Variants in CEP85L observed in about 807,000 individuals in gnomAD.
CEP85L encodes the protein centrosomal protein 85L, also known as centrosomal protein of 85 kDa-like.
CEP85L carries 60 observed loss-of-function variants against 100.3 expected under a neutral mutation model. The observed-to-expected ratio is 0.60, with a 90% CI of 0.49 to 0.74. The LOEUF (loss-of-function observed/expected upper bound fraction) is 0.74. Ranked by LOEUF, CEP85L falls within the 30% of genes least tolerant of loss-of-function variation. CEP85L has a pLI of 0.00. For missense variants in CEP85L, 973 were observed against 936.2 expected (o/e 1.04, Z -0.51); for synonymous variants, 319 against 322.7 (o/e 0.99, Z 0.12).
At chr6:118,655,269 G>A (rs749292023), upstream of CEP85L, among the ~76,000 whole-genome samples, 55 of 152,288 alleles carry the variant, frequency 3.6e-4, no homozygotes, top group Non-Finnish European at 7.5e-4. Flanking sequence ...CTCCAGAGTT[G>A]GGTTGCAATA....
At chr6:118,506,616 A>T (rs1183170458) in intron 5 of CEP85L, among the ~76,000 whole-genome samples, 4 of 152,040 alleles carry the variant, frequency 2.6e-5, no homozygotes, top group Non-Finnish European at 5.9e-5. Context: ...TTGGTGGGGG[A>T]AAGCACTTAT....
chr6:118,583,482 T>C (rs1391519042), intron 2 of CEP85L, among the ~76,000 whole-genome samples: 4 of 152,198 alleles, frequency 2.6e-5, no homozygotes, highest in South Asian at 4.1e-4. Context: ...CACTCCTTTA[T>C]TAGGTAGATA....
intron 3 of CEP85L, among the ~76,000 whole-genome samples, chr6:118,546,626 T>C (rs1037291704): frequency 3.9e-5 from 6 of 152,138 alleles, no homozygotes; most frequent in Non-Finnish European, 7.4e-5. Context: ...TCCCACAGCA[T>C]GCCAACAGAT....
At chr6:118,524,214 A>C (rs1006818971) in intron 3 of CEP85L, among the ~76,000 whole-genome samples, 7 of 152,190 alleles carry the variant, frequency 4.6e-5, no homozygotes, top group Non-Finnish European at 7.4e-5. Context: ...TAATCCCAGC[A>C]CTTTGGGAGG....
At chr6:118,700,851 T>C (rs1303331761) in intron 1 of CEP85L, among the ~76,000 whole-genome samples, 3 of 152,176 alleles carry the variant, frequency 2.0e-5, no homozygotes, top group Non-Finnish European at 4.4e-5. Flanking sequence ...AGTCTGCATG[T>C]TTATTATGTA....
intron 2 of CEP85L, among the ~76,000 whole-genome samples, chr6:118,611,887 A>G (rs1189843662): frequency 7.3e-6 from 1 of 136,116 alleles, no homozygotes; most frequent in African/African-American, 2.5e-5. Flanking sequence ...ACACAAATCT[A>G]TAATTATATT....
chr6:118,612,660 C>CA (rs56271635), intron 2 of CEP85L, among the ~76,000 whole-genome samples: 2,273 of 45,594 alleles, frequency 0.05, 260 homozygotes, highest in African/African-American at 0.16. Flanking sequence ...GACTCTGTCT[C>CA]AAAAAAAAAA....
rs757164815 is a variant in CEP85L, at chr6:118,461,532, TTCTC to T, written c.*3869_*3872del. 3.3e-5 allele frequency: 5 copies of T among 152,010 alleles called. No homozygotes were observed. The highest frequency in any genetic ancestry group is 1.3e-4 in the Admixed American group (2 of 15,266). The allele number at this position is 152,010 out of a possible 1,614,324, so 9.4% of individuals were successfully genotyped here. A position where few individuals can be genotyped will look rare whatever the true frequency, so the allele number is the denominator to read the frequency against. On this transcript the variant is annotated 3_prime_UTR_variant, in exon 13 of 13. Coordinates refer to ENST00000368491, the MANE Select transcript of CEP85L (RefSeq NM_001042475.3). The stretch of plus-strand genomic sequence containing the variant: ...ACTGCAGGCAAAAAGGCACAAAAGG[TTCTC>T]TCTGTGTACAGCTGCAATAGTGTTA...
chr6:118,532,871 T>C (rs1777370978), intron 3 of CEP85L, among the ~76,000 whole-genome samples: 1 of 151,982 alleles, frequency 6.6e-6, no homozygotes, highest in Non-Finnish European at 1.5e-5. Flanking sequence ...TTAAAGCAAA[T>C]ACAGAATTCA....
chr6:118,641,963 C>T (rs1774907209), intron 1 of CEP85L, among the ~76,000 whole-genome samples: 1 of 151,946 alleles, frequency 6.6e-6, no homozygotes, highest in Non-Finnish European at 1.5e-5. Context: ...AGAGGGCATA[C>T]TGGAAATCAA....
rs1582833003 is a variant in CEP85L at position 118,462,724 on chromosome 6, T to C, written c.*2681A>G. 1 of 152,144 alleles carries C rather than the reference T, an allele frequency of 6.6e-6. No individual in the cohort carries two copies. Among genetic ancestry groups the C allele is most frequent in the East Asian group, 1.9e-4 (1 of 5,190 alleles). The allele number at this position is 152,144 out of a possible 1,614,324, so 9.4% of individuals were successfully genotyped here. On this transcript the variant is annotated 3_prime_UTR_variant, in exon 13 of 13. Coordinates refer to ENST00000368491, the MANE Select transcript of CEP85L (RefSeq NM_001042475.3). ...TCAAACTGGGTGAGATGCTCTAGTGTTGCTATTTGCCCATCTTATTTGGTC... is the reference window on the plus strand; with the variant it reads ...TCAAACTGGGTGAGATGCTCTAGTGCTGCTATTTGCCCATCTTATTTGGTC...
intron 5 of CEP85L, among the ~76,000 whole-genome samples, chr6:118,503,513 T>A (rs1775440605): frequency 6.6e-6 from 1 of 151,990 alleles, no homozygotes; most frequent in Admixed American, 6.6e-5. Flanking sequence ...AAAGTTGGAG[T>A]ACTGACACTA....
chr6:118,565,889 TTTA>T lies in CEP85L; in HGVS notation c.657_659del (p.Asn219del). On this transcript the variant is annotated inframe_deletion, in exon 3 of 13. Coordinates refer to ENST00000368491, the MANE Select transcript of CEP85L (RefSeq NM_001042475.3). ...TGCAGTCCAGAGTTGATGACCGTTT[TTTA>T]TTTATTTCCTTGTCCTCTAACCTAA... 6.2e-7 allele frequency: 1 copy of T among 1,614,144 alleles called. No homozygotes were observed. Among genetic ancestry groups the T allele is most frequent in the Non-Finnish European group, 8.5e-7 (1 of 1,180,022 alleles).
At chr6:118,545,729 T>C (rs533939556) in intron 3 of CEP85L, among the ~76,000 whole-genome samples, 2 of 152,162 alleles carry the variant, frequency 1.3e-5, no homozygotes, top group Admixed American at 6.5e-5. Flanking sequence ...TAAAAATAAA[T>C]TTGTAATTAT....
chr6:118,505,159 G>A (rs1257949741), intron 5 of CEP85L, among the ~76,000 whole-genome samples: 1 of 151,634 alleles, frequency 6.6e-6, no homozygotes, highest in Non-Finnish European at 1.5e-5. Context: ...ATCACAGGTG[G>A]GGCCAGGCGC....
At chr6:118,593,673 T>C (rs1036614880) in intron 2 of CEP85L, among the ~76,000 whole-genome samples, 3 of 125,598 alleles carry the variant, frequency 2.4e-5, no homozygotes, top group African/African-American at 8.6e-5. Flanking sequence ...CGCATCGCAA[T>C]AATGCTGTTT....
intron 1 of CEP85L, among the ~76,000 whole-genome samples, chr6:118,669,808 C>A (rs1776240040): frequency 6.6e-6 from 1 of 151,512 alleles, no homozygotes. Context: ...GGTTTGGAGG[C>A]AGATGATAGA....
intron 2 of CEP85L, among the ~76,000 whole-genome samples, chr6:118,600,298 G>GTGTGTGTGTGTGTGTGT (rs1781672559): frequency 5.1e-5 from 3 of 59,194 alleles, no homozygotes; most frequent in African/African-American, 1.7e-4. Context: ...AGCCTTCCTG[G>GTGTGTGTGTGTGTGTGT]GGGTGTGTGT....
intron 3 of CEP85L, among the ~76,000 whole-genome samples, chr6:118,552,956 C>T (rs1018085320): frequency 4.6e-5 from 7 of 151,870 alleles, no homozygotes; most frequent in African/African-American, 1.7e-4. Flanking sequence ...TTTTAAAATT[C>T]ATCTATAAAT....
Sources: allele counts gnomAD v4.1 joint callset (sites outside exome capture counted in the v4.1 genomes callset), GRCh38; gene constraint gnomAD v4.1.1; transcripts MANE v1.5; gene names NCBI Gene and HGNC (gene_info 2026-07-23, HGNC 2026-07-21).